Variants in AGBL1 observed in about 807,000 individuals in gnomAD.
The protein encoded by AGBL1 is cytosolic carboxypeptidase 4.
A neutral mutation model predicts 118.9 loss-of-function variants in AGBL1; 130 were observed. The observed-to-expected ratio is 1.09, with a 90% confidence interval of 0.95 to 1.26. AGBL1 has a LOEUF of 1.26. Ranked by LOEUF, AGBL1 falls within the 50% of genes most tolerant of loss-of-function variation. AGBL1 has a pLI of 0.00. For missense variants in AGBL1, 1,584 were observed against 1,298.1 expected (o/e 1.22, Z -3.38); for synonymous variants, 555 against 478.9 (o/e 1.16, Z -2.08).
At chr15:86,984,357 TTCTC>T (rs148347288) in intron 23 of AGBL1, among the ~76,000 whole-genome samples, 48 of 133,234 alleles carry the variant, frequency 3.6e-4, no homozygotes, top group African/African-American at 1.4e-3. Context: ...TTCCATTTTT[TTCTC>T]TCTTTTTTTT....
intron 22 of AGBL1, among the ~76,000 whole-genome samples, chr15:86,734,389 A>T (rs1035218915): frequency 3.9e-5 from 6 of 152,166 alleles, no homozygotes; most frequent in Admixed American, 2.6e-4. Context: ...CATGAACTTG[A>T]TAGCAGGGAG....
intron 23 of AGBL1, among the ~76,000 whole-genome samples, chr15:86,946,579 G>T (rs1238640653): frequency 6.6e-6 from 1 of 151,992 alleles, no homozygotes; most frequent in African/African-American, 2.4e-5. Flanking sequence ...TGGGCGCAGG[G>T]GCTCAAGCCT....
At chr15:86,292,527 A>C (rs570495191) in intron 16 of AGBL1, among the ~76,000 whole-genome samples, 136 of 152,334 alleles carry the variant, frequency 8.9e-4, no homozygotes, top group African/African-American at 3.1e-3. Flanking sequence ...AAAATTTGTG[A>C]TGATTCCAGC....
chr15:86,372,244 G>A (rs988958327), intron 17 of AGBL1, among the ~76,000 whole-genome samples: 1 of 152,200 alleles, frequency 6.6e-6, no homozygotes, highest in Non-Finnish European at 1.5e-5. Context: ...GCACCCATTT[G>A]GTTGGCTTAG....
chr15:86,809,321 G>T (rs997497272), intron 22 of AGBL1, among the ~76,000 whole-genome samples: 2 of 152,022 alleles, frequency 1.3e-5, no homozygotes, highest in African/African-American at 4.8e-5. Context: ...TATGAGGTTA[G>T]GAAAGTCTTA....
intron 18 of AGBL1, among the ~76,000 whole-genome samples, chr15:86,401,466 C>G (rs1567237818): frequency 6.6e-6 from 1 of 151,954 alleles, no homozygotes; most frequent in African/African-American, 2.4e-5. Context: ...AATTAGGTCT[C>G]TTTTTTTGTT....
At chr15:86,721,076 A>C (rs1409021993) in intron 22 of AGBL1, among the ~76,000 whole-genome samples, 1 of 152,214 alleles carries the variant, frequency 6.6e-6, no homozygotes, top group Non-Finnish European at 1.5e-5. Context: ...AGGTACAAGG[A>C]GGAGCTGGTA....
At chr15:86,573,588 T>G (rs1308936225) in intron 21 of AGBL1, among the ~76,000 whole-genome samples, 1 of 152,210 alleles carries the variant, frequency 6.6e-6, no homozygotes, top group Non-Finnish European at 1.5e-5. Context: ...TTCATCCTAC[T>G]TCCTCCTCCT....
At chr15:86,917,954 A>G (rs546971589), downstream of AGBL1, among the ~76,000 whole-genome samples, 14 of 152,270 alleles carry the variant, frequency 9.2e-5, no homozygotes, top group Non-Finnish European at 1.3e-4. This position sits in a 1 kb window ranked among gnomAD's most constrained non-coding sequence, Gnocchi z 4.8. Context: ...TCAAATCTCT[A>G]GTAAAAGTCC....
At chr15:86,605,215 T>A (rs908037270) in intron 21 of AGBL1, among the ~76,000 whole-genome samples, 3 of 152,154 alleles carry the variant, frequency 2.0e-5, no homozygotes, top group Non-Finnish European at 2.9e-5. Flanking sequence ...CAGCTAACAT[T>A]CCTTCAGCTT....
At chr15:86,592,871 C>T (rs1596296817) in intron 21 of AGBL1, among the ~76,000 whole-genome samples, 1 of 152,246 alleles carries the variant, frequency 6.6e-6, no homozygotes, top group East Asian at 1.9e-4. Flanking sequence ...GCTTGACATT[C>T]CTGGGGTGCG....
In AGBL1 at chr15:86,914,630, C is replaced by T. The variant is rs923085579; in HGVS notation, c.*7336C>T. On this transcript the variant is annotated 3_prime_UTR_variant, in exon 23 of 23. Transcript: ENST00000614907. ...GTTTAAGCCTAAAACTTCAGCCCAA[C>T]GAGCTAAACTCTGTTGTTATGCTCA... 3.9e-5 allele frequency: 6 copies of T among 152,148 alleles called. No individual in the cohort carries two copies. The highest frequency in any genetic ancestry group is 7.2e-5 in the African/African-American group (3 of 41,436). The allele number at this position is 152,148 out of a possible 1,614,324, so 9.4% of individuals were successfully genotyped here.
chr15:86,805,438 C>T (rs2078703213), intron 22 of AGBL1, among the ~76,000 whole-genome samples: 1 of 152,138 alleles, frequency 6.6e-6, no homozygotes, highest in Non-Finnish European at 1.5e-5. Flanking sequence ...TTCCTCAGTA[C>T]TGCCAACCAC....
intron 3 of AGBL1, among the ~76,000 whole-genome samples, chr15:86,147,957 T>C (rs1421031646): frequency 6.6e-6 from 1 of 152,248 alleles, no homozygotes; most frequent in Admixed American, 6.5e-5. Context: ...TTTGCTGTTC[T>C]GCAGCCTCTG....
intron 4 of AGBL1, among the ~76,000 whole-genome samples, chr15:86,157,225 C>T (rs924551274): frequency 3.3e-5 from 5 of 152,194 alleles, no homozygotes; most frequent in Non-Finnish European, 4.4e-5. Context: ...ACCTATCTCC[C>T]GTATATTGAC....
At chr15:87,002,984 G>T (rs1345294608) in intron 24 of AGBL1, among the ~76,000 whole-genome samples, 3 of 152,130 alleles carry the variant, frequency 2.0e-5, no homozygotes, top group African/African-American at 7.2e-5. Flanking sequence ...TCCCCTGACT[G>T]ATTGCCCTGG....
chr15:86,270,373 A>G (rs1445663757), intron 14 of AGBL1, among the ~76,000 whole-genome samples: 1 of 152,184 alleles, frequency 6.6e-6, no homozygotes, highest in African/African-American at 2.4e-5. Context: ...CCTAAGTCCC[A>G]TAGGAGCAAA....
chr15:87,027,026 G>T (rs971024041), intron 24 of AGBL1, among the ~76,000 whole-genome samples: 3 of 151,944 alleles, frequency 2.0e-5, no homozygotes. Flanking sequence ...ACTACAAATA[G>T]CGTGCAGTGC....
chr15:87,013,353 C>T (rs2081580615), intron 24 of AGBL1, among the ~76,000 whole-genome samples: 1 of 152,046 alleles, frequency 6.6e-6, no homozygotes, highest in East Asian at 1.9e-4. Context: ...GAGTGCATCC[C>T]AAGTCTGGGG....
Sources: allele counts gnomAD v4.1 joint callset (sites outside exome capture counted in the v4.1 genomes callset), GRCh38; gene constraint gnomAD v4.1.1; non-coding constraint Gnocchi (gnomAD v3.1); transcripts MANE v1.5; gene names NCBI Gene and HGNC (gene_info 2026-07-23, HGNC 2026-07-21).